Variants in C8orf76 observed in about 807,000 individuals in gnomAD.
C8orf76 encodes chromosome 8 open reading frame 76, also known as uncharacterized protein C8orf76.
Under a neutral mutation model 38.1 loss-of-function variants are expected in C8orf76, and 46 were observed. That is an observed-to-expected ratio of 1.21 (90% CI 0.95 to 1.54). The LOEUF (loss-of-function observed/expected upper bound fraction) is 1.54, where lower values mean the gene tolerates loss of function less well. Ranked by LOEUF, C8orf76 falls within the 40% of genes most tolerant of loss-of-function variation. The pLI, the probability that C8orf76 is intolerant of heterozygous loss-of-function variation, is 0.00. For missense variants in C8orf76, 461 were observed against 441.6 expected (o/e 1.04, Z -0.39); for synonymous variants, 166 against 167.5 (o/e 0.99, Z 0.07).
intron 4 of C8orf76, among the ~76,000 whole-genome samples, chr8:123,227,967 G>A (rs1308357498): frequency 6.6e-6 from 1 of 152,036 alleles, no homozygotes; most frequent in Admixed American, 6.6e-5. Context: ...TCTGCCCTCT[G>A]GATATACTCC....
rs1361919977 is a variant in C8orf76, at chr8:123,236,774, A to G, written c.357+1024T>C. 7 of 495,222 alleles carry G rather than the reference A, an allele frequency of 1.4e-5. No individual in the cohort carries two copies. The Admixed American group carries it at 2.3e-4, about 16-fold the overall frequency. 30.7% of individuals were successfully genotyped at this position (495,222 alleles called of 1,614,324 possible). On this transcript the variant is annotated intron_variant, in intron 3 of 5. Transcript: ENST00000276704. ...ACTCCAGCCTGGGTGACAGAGTGAG[A>G]CTCTGTCTCAAAAAAAAAAAAAAAG...
In C8orf76 at chr8:123,226,590, A is replaced by G. The variant is rs1429178234; in HGVS notation, c.858T>C (p.Ala286=). The G allele has an allele frequency of 1.9e-6, 3 of 1,611,186 alleles. No homozygotes were observed. Among genetic ancestry groups the G allele is most frequent in the Non-Finnish European group, 2.5e-6 (3 of 1,179,380 alleles). ...QFTQPQQTSF[A]LERNLRTQQE... ...GCTGAGTCCTTAAGTTCCTCTCCAAAGCAAACGATGTTTGCTGAGGTTGGG... is the reference window on the plus strand; with the variant it reads ...GCTGAGTCCTTAAGTTCCTCTCCAAGGCAAACGATGTTTGCTGAGGTTGGG... Residue 286 remains alanine, a synonymous_variant, in exon 5 of 6, where the codon GCT becomes GCC. Transcript: ENST00000276704.
chr8:123,232,707 G>C (rs1825315751), intron 3 of C8orf76, among the ~76,000 whole-genome samples: 1 of 152,212 alleles, frequency 6.6e-6, no homozygotes, highest in Admixed American at 6.5e-5. Context: ...AAAGATAGGA[G>C]ATAAAGCCCC....
chr8:123,220,061 A>G lies in C8orf76; in HGVS notation c.*42T>C, dbSNP rs770020768. 2.5e-6 allele frequency: 3 copies of G among 1,206,552 alleles called. No homozygotes were observed. The highest frequency in any genetic ancestry group is 3.5e-6 in the Non-Finnish European group (3 of 851,872). 74.7% of individuals were successfully genotyped at this position (1,206,552 alleles called of 1,614,324 possible). On this transcript the variant is annotated 3_prime_UTR_variant, in exon 6 of 6. Coordinates refer to ENST00000276704, the MANE Select transcript of C8orf76 (RefSeq NM_032847.3). ...CTGTCTGAAGTAAACAAGGACAATT[A>G]ATACAGTACAAGATATTTGTGGTTT...
intron 4 of C8orf76, among the ~76,000 whole-genome samples, chr8:123,229,489 C>T (rs907454478): frequency 1.8e-4 from 27 of 152,322 alleles, no homozygotes; most frequent in Middle Eastern, 3.4e-3. Context: ...TTTGGCCACG[C>T]CAACAGCTCC....
chr8:123,235,914 G>A (rs1316027129), intron 3 of C8orf76, among the ~76,000 whole-genome samples: 1 of 152,194 alleles, frequency 6.6e-6, no homozygotes, highest in Non-Finnish European at 1.5e-5. Flanking sequence ...CACCGGAAGG[G>A]CCAAGAGCAC....
chr8:123,231,829 A>G, intron 3 of C8orf76, 72 bp from the exon 4 acceptor site: 6 of 1,460,764 alleles, frequency 4.1e-6, no homozygotes, highest in Non-Finnish European at 5.5e-6. Flanking sequence ...GAATGCCTAA[A>G]AAACCAAGTT....
chr8:123,237,877 C>G lies in C8orf76; in HGVS notation c.278G>C (p.Arg93Thr). The G allele has an allele frequency of 6.2e-7, 1 of 1,614,092 alleles. No homozygotes were observed. Among genetic ancestry groups the G allele is most frequent in the Non-Finnish European group, 8.5e-7 (1 of 1,179,986 alleles). The change falls in exon 3 of 6, where the codon AGG (arginine) becomes ACG (threonine). Residue 93 changes from arginine (R) to threonine (T), a missense_variant. Transcript: ENST00000276704. ...KLSSTNFAMK[R>T]DVQEGQARCL... ...CCGAGCCTGACCTTCCTGGACATCC[C>G]TTTTCATGGCAAAATTGGTTGATGA... is the stretch of plus-strand genomic sequence containing the variant.
In C8orf76 at chr8:123,237,887, CA is replaced by C. The variant is rs1302356362; in HGVS notation, c.267del (p.Phe89LeufsTer3). 1 of 1,614,024 alleles carries C rather than the reference CA, an allele frequency of 6.2e-7. No individual in the cohort carries two copies. Among genetic ancestry groups the C allele is most frequent in the Admixed American group, 1.7e-5 (1 of 60,000 alleles). On this transcript the variant is annotated frameshift_variant, in exon 3 of 6. Transcript: ENST00000276704. LOFTEE classifies it high-confidence loss of function. Reference protein sequence around the residue: ...SISEKLSSTNFAMKRDVQEGQ... With the variant: ...SISEKLSSTNXAMKRDVQEGQ... ...CCTTCCTGGACATCCCTTTTCATGG[CA>C]AAATTGGTTGATGACAATTTTTCAG...
chr8:123,229,094 A>G (rs74466288), intron 4 of C8orf76, among the ~76,000 whole-genome samples: 537 of 151,780 alleles, frequency 3.5e-3, no homozygotes, highest in African/African-American at 0.012. Flanking sequence ...CTTACCACCA[A>G]TGCTGCTCTT....
In C8orf76 at chr8:123,232,215, TC is replaced by T. The variant is rs200299140; in HGVS notation, c.358-459del. Among the ~76,000 whole-genome samples the T allele has an allele frequency of 3.8e-3, 583 of 152,358 alleles. 6 individuals are homozygous for T. The highest frequency in any genetic ancestry group is 0.03 in the Admixed American group (454 of 15,302). The stretch of plus-strand genomic sequence containing the variant: ...CTTGAGGATTTGAACAAACTCCACT[TC>T]CAAATTTTATTTGGCTTAGACATTT... On this transcript the variant is annotated intron_variant, in intron 3 of 5. Coordinates refer to ENST00000276704, the MANE Select transcript of C8orf76 (RefSeq NM_032847.3).
intron 5 of C8orf76, 150 bp downstream of exon 5, chr8:123,226,350 G>A: frequency 3.4e-6 from 5 of 1,479,470 alleles, no homozygotes; most frequent in Non-Finnish European, 3.6e-6. Flanking sequence ...AGGCCGCCTT[G>A]GTGATTGCTG....
At chr8:123,236,896 T>G in intron 3 of C8orf76, 60 of 1,024,564 alleles carry the variant, frequency 5.9e-5, no homozygotes, top group Non-Finnish European at 8.5e-5. Flanking sequence ...CCATCACCCT[T>G]GAGATCGAGC....
rs776472476 is a variant in C8orf76 at position 123,231,308 on chromosome 8, T to C, written c.807A>G (p.Ile269Met). Residue 269 changes from isoleucine (I) to methionine (M), a missense_variant, in exon 4 of 6, where the codon ATA becomes ATG. Transcript: ENST00000276704. Reference sequence around the variant, plus strand: ...AGTGACTCTCAGCTTACCTGGTTCGTATAAAAGAGGCACATGCTTTCAGCT... The same window carrying C: ...AGTGACTCTCAGCTTACCTGGTTCGCATAAAAGAGGCACATGCTTTCAGCT... ...ETQLKACASF[I>M]RTRLLLQFTQ... is the part of the protein sequence containing the mutation. The C allele has an allele frequency of 5.0e-6, 8 of 1,608,972 alleles. No individual in the cohort carries two copies. In the East Asian group the frequency reaches 1.6e-4, roughly 31 times the overall value.
rs978941341 is a variant in C8orf76, at chr8:123,230,983, A to T, written c.815+317T>A. ...ACTTTTCAAAAAAAAATTTTTGTAG[A>T]AATGGGATTTCACCATGTTGCTCAG... is the stretch of plus-strand genomic sequence containing the variant. On this transcript the variant is annotated intron_variant, in intron 4 of 5. Coordinates refer to ENST00000276704, the MANE Select transcript of C8orf76 (RefSeq NM_032847.3). Among the ~76,000 whole-genome samples the T allele has an allele frequency of 2.6e-5, 4 of 152,142 alleles. No individual in the cohort carries two copies. In the East Asian group the frequency reaches 7.7e-4, roughly 29 times the overall value.
intron 1 of C8orf76, chr8:123,239,656 G>A (rs2131167260): frequency 6.5e-6 from 1 of 152,848 alleles, no homozygotes; most frequent in African/African-American, 2.4e-5. Flanking sequence ...AAATCCTATG[G>A]ATAAAAAGGA....
In C8orf76 at chr8:123,220,290, C is replaced by A; in HGVS notation, c.956G>T (p.Gly319Val). The A allele has an allele frequency of 6.3e-7, 1 of 1,585,788 alleles. No individual in the cohort carries two copies. Among genetic ancestry groups the A allele is most frequent in the Non-Finnish European group, 8.5e-7 (1 of 1,169,806 alleles). ...DTLLLIAEVM[G>V]EDIPEKIKDE... ...TTTTATTTTTTCTGGGATATCTTCT[C>A]CCATAACCTATAACAGGAGGAAAAA... The change falls in exon 6 of 6, where the codon GGA becomes GTA. Residue 319 changes from glycine to valine, a missense_variant. Coordinates refer to ENST00000276704, the MANE Select transcript of C8orf76 (RefSeq NM_032847.3).
At chr8:123,233,103 C>G (rs961395149) in intron 3 of C8orf76, among the ~76,000 whole-genome samples, 6 of 152,032 alleles carry the variant, frequency 3.9e-5, no homozygotes, top group Admixed American at 2.6e-4. Flanking sequence ...TCACCGCAAC[C>G]TCTGCCTCCC....
chr8:123,227,201 A>G (rs936879749), intron 4 of C8orf76, among the ~76,000 whole-genome samples: 19 of 151,054 alleles, frequency 1.3e-4, no homozygotes, highest in Non-Finnish European at 2.4e-4. Context: ...CCCTGTCATG[A>G]TCATAGCTGG....
Sources: allele counts gnomAD v4.1 joint callset (sites outside exome capture counted in the v4.1 genomes callset), GRCh38; gene constraint gnomAD v4.1.1; transcripts MANE v1.5; gene names NCBI Gene and HGNC (gene_info 2026-07-23, HGNC 2026-07-21).